HOMER1: variants seen among roughly 807,000 people sequenced by gnomAD.
The protein encoded by HOMER1 is homer protein homolog 1.
In HOMER1, 3 loss-of-function variants were observed where a neutral mutation model predicts 48.9. That is an observed-to-expected ratio of 0.06 (90% CI 0.03 to 0.16). HOMER1 has a LOEUF of 0.16. HOMER1 is among the 10% of genes least tolerant of loss of function. The pLI is 1.00. For synonymous variants in HOMER1, 134 were observed against 146.4 expected (o/e 0.92, Z 0.61); for missense variants, 247 against 411.4 (o/e 0.60, Z 3.46).
chr5:79,379,079 C>CATATATATATATATATATATAT (rs3082000), intron 8 of HOMER1, among the ~76,000 whole-genome samples: 6 of 55,214 alleles, frequency 1.1e-4, no homozygotes, highest in South Asian at 7.1e-4. Flanking sequence ...ACCTTTTGTC[C>CATATATATATATATATATATAT]ATATATATAT....
intron 5 of HOMER1, among the ~76,000 whole-genome samples, chr5:79,404,864 ATT>A (rs71615534): frequency 1.4e-5 from 2 of 141,466 alleles, no homozygotes; most frequent in Non-Finnish European, 1.5e-5. Context: ...ACGCCCAGCT[ATT>A]TTTTTTTTTT....
chr5:79,398,315 A>ACACACACACACACACATG (rs1336932130), intron 6 of HOMER1, among the ~76,000 whole-genome samples: 1 of 150,710 alleles, frequency 6.6e-6, no homozygotes. Flanking sequence ...AAATACACAC[A>ACACACACACACACACATG]CACACACACA....
chr5:79,379,229 T>G (rs1246702703), intron 8 of HOMER1, among the ~76,000 whole-genome samples: 3 of 70,340 alleles, frequency 4.3e-5, no homozygotes, highest in Non-Finnish European at 7.9e-5. Flanking sequence ...ATATCTATAA[T>G]ATATATTATA....
rs1489397256 is a variant in HOMER1, at chr5:79,375,501, G to C, written c.*508C>G. 6.6e-6 allele frequency: 1 copy of C among 152,020 alleles called. No individual in the cohort carries two copies. The highest frequency in any genetic ancestry group is 1.5e-5 in the Non-Finnish European group (1 of 67,948). 9.4% of individuals were successfully genotyped at this position (152,020 alleles called of 1,614,324 possible). On this transcript the variant is annotated 3_prime_UTR_variant, in exon 9 of 9. Transcript: ENST00000334082. Reference sequence around the variant, plus strand: ...TCTCACTCCTGGCAAGAATTAATTGGTAATGGCACTGCTTCTCAGCAGTGC... The same window carrying C: ...TCTCACTCCTGGCAAGAATTAATTGCTAATGGCACTGCTTCTCAGCAGTGC...
chr5:79,392,314 C>T (rs903619799), intron 8 of HOMER1, among the ~76,000 whole-genome samples: 3 of 152,118 alleles, frequency 2.0e-5, no homozygotes, highest in Admixed American at 2.0e-4. Context: ...CCTGTTATTG[C>T]CCTTGAAGAC....
chr5:79,423,940 A>G (rs887553587), intron 5 of HOMER1, among the ~76,000 whole-genome samples: 1 of 152,102 alleles, frequency 6.6e-6, no homozygotes, highest in Non-Finnish European at 1.5e-5. Flanking sequence ...AGAGACCAAC[A>G]TGACAACAAT....
intron 5 of HOMER1, among the ~76,000 whole-genome samples, chr5:79,409,428 CAAA>C (rs34814720): frequency 5.0e-5 from 6 of 119,714 alleles, no homozygotes; most frequent in East Asian, 2.4e-4. Context: ...CAAGACGTCT[CAAA>C]AAAAAAAAAA....
intron 4 of HOMER1, among the ~76,000 whole-genome samples, chr5:79,441,121 C>G (rs1169070684): frequency 6.6e-6 from 1 of 152,098 alleles, no homozygotes; most frequent in Non-Finnish European, 1.5e-5. Flanking sequence ...GATCACTGCA[C>G]TCCAGCCTGG....
intron 5 of HOMER1, among the ~76,000 whole-genome samples, chr5:79,422,058 C>G (rs1042818500): frequency 2.0e-5 from 3 of 151,982 alleles, no homozygotes; most frequent in African/African-American, 7.2e-5. Flanking sequence ...GAAACCCTAT[C>G]TCTAAGAAAC....
intron 1 of HOMER1, among the ~76,000 whole-genome samples, chr5:79,507,233 A>G (rs1160973906): frequency 6.6e-6 from 1 of 150,592 alleles, no homozygotes; most frequent in Non-Finnish European, 1.5e-5. Flanking sequence ...AAAAAAAAAA[A>G]AACCAAAACA....
chr5:79,494,640 G>A (rs558462468), intron 1 of HOMER1, among the ~76,000 whole-genome samples: 1 of 152,122 alleles, frequency 6.6e-6, no homozygotes. Context: ...AGGCCAAGGC[G>A]GGTGGAACAC....
At chr5:79,396,651 G>A (rs1388456804) in intron 8 of HOMER1, among the ~76,000 whole-genome samples, 172 bp downstream of exon 8, 2 of 152,036 alleles carry the variant, frequency 1.3e-5, no homozygotes, top group African/African-American at 4.8e-5. Flanking sequence ...CTACATAGAT[G>A]AAGTTATCAA....
At chr5:79,383,873 T>C (rs1042058403) in intron 8 of HOMER1, among the ~76,000 whole-genome samples, 1 of 151,938 alleles carries the variant, frequency 6.6e-6, no homozygotes, top group African/African-American at 2.4e-5. Flanking sequence ...ACTATACAAA[T>C]ATATGAAAAT....
intron 5 of HOMER1, among the ~76,000 whole-genome samples, chr5:79,408,193 A>T (rs1029421556): frequency 6.6e-6 from 1 of 152,200 alleles, no homozygotes; most frequent in African/African-American, 2.4e-5. Flanking sequence ...GTGGTTAAGG[A>T]GGGACTACTG....
intron 5 of HOMER1, among the ~76,000 whole-genome samples, chr5:79,416,522 G>C (rs552698910): frequency 6.6e-6 from 1 of 152,202 alleles, no homozygotes; most frequent in Non-Finnish European, 1.5e-5. Flanking sequence ...AAGAGGGCCC[G>C]AGAAATGTCC....
chr5:79,497,666 A>G (rs971853002), intron 1 of HOMER1, among the ~76,000 whole-genome samples: 5 of 148,554 alleles, frequency 3.4e-5, no homozygotes, highest in Non-Finnish European at 7.4e-5. Context: ...CTCAAAGAAA[A>G]AAAAAAAAAA....
intron 5 of HOMER1, among the ~76,000 whole-genome samples, chr5:79,427,826 CTTCCTTCCT>C (rs1464903150): frequency 2.1e-5 from 3 of 143,818 alleles, no homozygotes; most frequent in South Asian, 2.2e-4. Context: ...CTTTTCCTTC[CTTCCTTCCT>C]TTCCTTCCTT....
chr5:79,443,421 G>C (rs979220198), intron 4 of HOMER1, among the ~76,000 whole-genome samples: 6 of 152,148 alleles, frequency 3.9e-5, no homozygotes, highest in Non-Finnish European at 2.9e-5. Flanking sequence ...CAGACAGTCT[G>C]GGAGTGGAGC....
intron 2 of HOMER1, among the ~76,000 whole-genome samples, chr5:79,453,679 G>T (rs1056678165): frequency 9.9e-5 from 15 of 152,168 alleles, no homozygotes; most frequent in African/African-American, 3.6e-4. Context: ...GGATCACACA[G>T]TGCCCTGATC....
Sources: allele counts gnomAD v4.1 joint callset (sites outside exome capture counted in the v4.1 genomes callset), GRCh38; gene constraint gnomAD v4.1.1; transcripts MANE v1.5; gene names NCBI Gene and HGNC (gene_info 2026-07-23, HGNC 2026-07-21).